Variants in LAP3 observed in about 807,000 individuals in gnomAD.
The protein encoded by LAP3 is leucine aminopeptidase 3, also known as cytosol aminopeptidase.
A neutral mutation model predicts 58.8 loss-of-function variants in LAP3; 46 were observed. That is an observed-to-expected ratio of 0.78 (90% CI 0.62 to 1.00). The LOEUF (loss-of-function observed/expected upper bound fraction) is 1.00, where lower values mean the gene tolerates loss of function less well. Among genes scored for constraint, LAP3 ranks in the 50% least tolerant of loss-of-function variants. The pLI, the probability that LAP3 is intolerant of heterozygous loss-of-function variation, is 0.00. For synonymous variants in LAP3, 257 were observed against 237.7 expected (o/e 1.08, Z -0.75); for missense variants, 615 against 659.1 (o/e 0.93, Z 0.73).
At chr4:17,583,784 A>G in intron 5 of LAP3, 142 bp downstream of exon 5, 1 of 845,674 alleles carries the variant, frequency 1.2e-6, no homozygotes, top group Non-Finnish European at 1.9e-6. Context: ...AGCCATTTTA[A>G]TAATGTGGTC....
At position 17,593,568 on chromosome 4, in the gene LAP3, A is replaced by ACATCCTTT. The variant is rs1348326703; in HGVS notation, c.864-1841_864-1834dup. 2.8e-5 allele frequency among the ~76,000 whole-genome samples: 4 copies of ACATCCTTT among 143,724 alleles called. No homozygotes were observed. The East Asian group carries it at 8.5e-4, about 31-fold the overall frequency. The allele number at this position is 143,724 out of a possible 152,430, so 94.3% of individuals were successfully genotyped here. On this transcript the variant is annotated intron_variant, in intron 7 of 12. Coordinates refer to ENST00000226299, the MANE Select transcript of LAP3 (RefSeq NM_015907.3). ...CTTCTTTTTCAGAATGACTTTGGCT[A>ACATCCTTT]CATCCTTTGCATCTTCATATACATT...
At chr4:17,577,806 T>C (rs767556653) in intron 1 of LAP3, among the ~76,000 whole-genome samples, 5 of 152,216 alleles carry the variant, frequency 3.3e-5, no homozygotes, top group Non-Finnish European at 5.9e-5. Flanking sequence ...AGCCGCCCTT[T>C]ACCCGGCTCC....
At position 17,607,736 on chromosome 4, in the gene LAP3, T is replaced by A. The variant is rs551274332; in HGVS notation, c.*147T>A. ...CACAATGAAATTTGTATGCCTTGAT[T>A]TTTTTTTCATTTCACACAAAGATTT... On this transcript the variant is annotated 3_prime_UTR_variant, in exon 13 of 13. Coordinates refer to ENST00000226299, the MANE Select transcript of LAP3 (RefSeq NM_015907.3). The A allele has an allele frequency of 2.3e-5, 13 of 566,450 alleles. No individual in the cohort carries two copies. Among genetic ancestry groups the A allele is most frequent in the Non-Finnish European group, 3.6e-5 (12 of 337,598 alleles). The allele number at this position is 566,450 out of a possible 1,614,324, so 35.1% of individuals were successfully genotyped here. A position where few individuals can be genotyped will look rare whatever the true frequency, so the allele number is the denominator to read the frequency against.
Position 17,577,249 on chromosome 4 carries a change from C to CACGAATGCGGT in LAP3, c.-217_-216insACGAATGCGGT, listed in dbSNP as rs1553880637. 1 of 391,158 alleles carries CACGAATGCGGT rather than the reference C, an allele frequency of 2.6e-6. No homozygotes were observed. The allele number at this position is 391,158 out of a possible 1,614,324, so 24.2% of individuals were successfully genotyped here. A position where few individuals can be genotyped will look rare whatever the true frequency, so the allele number is the denominator to read the frequency against. On this transcript the variant is annotated 5_prime_UTR_variant, in exon 1 of 13. In the 5' UTR this introduces an upstream ATG that the reference lacks. Coordinates refer to ENST00000226299, the MANE Select transcript of LAP3 (RefSeq NM_015907.3). ...GCGGGCGCACACGAATGCGGGCGCA[C>CACGAATGCGGT]CCTTGAGTCCCCTCCACAACCGCGG...
chr4:17,603,533 T>C (rs1714031440), intron 10 of LAP3, among the ~76,000 whole-genome samples: 1 of 150,504 alleles, frequency 6.6e-6, no homozygotes, highest in Non-Finnish European at 1.5e-5. Flanking sequence ...AGACAGAGTT[T>C]CGCTCTTGTT....
Position 17,595,472 on chromosome 4 carries a change from C to T in LAP3, c.926C>T (p.Ala309Val). The change falls in exon 8 of 13, where the codon GCT (alanine) becomes GTT (valine). Residue 309 changes from alanine (A) to valine (V), a missense_variant. By Grantham distance (64) the Ala-to-Val change is moderately conservative. Transcript: ENST00000226299. ...MDLMRADMGG[A>V]ATICSAIVSA... ...CTCATGAGGGCTGACATGGGAGGAG[C>T]TGCAACTATATGCTCAGCCATCGTG... 2 of 1,613,932 alleles carry T rather than the reference C, an allele frequency of 1.2e-6. No individual in the cohort carries two copies. Among genetic ancestry groups the T allele is most frequent in the East Asian group, 4.5e-5 (2 of 44,826 alleles).
In LAP3 at chr4:17,583,728, C is replaced by T. The variant is rs993488359; in HGVS notation, c.539+86C>T. ...GGGATATGAGCTGCCTGCTTTTCAG[C>T]GCCACCCACAGCTGCGTGGCTTGGC... is the stretch of plus-strand genomic sequence containing the variant. On this transcript the variant is annotated intron_variant, in intron 5 of 12. Transcript: ENST00000226299. The T allele has an allele frequency of 1.2e-5, 17 of 1,467,230 alleles. No individual in the cohort carries two copies. In the Admixed American group the frequency reaches 1.6e-4, roughly 14 times the overall value. The allele number at this position is 1,467,230 out of a possible 1,614,324, so 90.9% of individuals were successfully genotyped here.
intron 8 of LAP3, 108 bp from the exon 9 acceptor site, chr4:17,596,938 G>A (rs1713844876): frequency 9.3e-6 from 8 of 859,658 alleles, no homozygotes; most frequent in Non-Finnish European, 1.5e-5. Context: ...GTTCGTTAAG[G>A]TGGCCTTTGT....
chr4:17,606,394 C>T (rs114391940), intron 11 of LAP3, among the ~76,000 whole-genome samples: 3,163 of 152,160 alleles, frequency 0.021, 117 homozygotes, highest in African/African-American at 0.073. Context: ...GCTGGAGTGC[C>T]GTGGCACTCC....
chr4:17,604,433 GT>G (rs1387309592), intron 10 of LAP3, among the ~76,000 whole-genome samples, 154 bp from the exon 11 acceptor site: 2 of 152,068 alleles, frequency 1.3e-5, no homozygotes, highest in East Asian at 3.9e-4. Context: ...ATAAAAATAT[GT>G]TAAGTATGTA....
intron 1 of LAP3, among the ~76,000 whole-genome samples, chr4:17,579,577 C>T (rs1713296047): frequency 6.6e-6 from 1 of 152,190 alleles, no homozygotes; most frequent in Admixed American, 6.5e-5. Context: ...TAGGAGTGAG[C>T]ACAGAAACCC....
Position 17,583,567 on chromosome 4 carries a change from C to T in LAP3, c.464C>T (p.Ala155Val), listed in dbSNP as rs1042134142. 2.1e-5 allele frequency: 34 copies of T among 1,613,936 alleles called. No homozygotes were observed. The highest frequency in any genetic ancestry group is 2.7e-5 in the African/African-American group (2 of 74,878). The change falls in exon 5 of 13, where the codon GCG becomes GTG. Residue 155 changes from alanine (A) to valine (V), a missense_variant. Physicochemically the swap from Ala to Val is moderately conservative, Grantham distance 64 (BLOSUM62 0). Transcript: ENST00000226299. ...GACGCTCAGGCTGCTGCGGAGGGAGCGGTGCTTGGTCTCTATGAATACGAT... is the reference window on the plus strand; with the variant it reads ...GACGCTCAGGCTGCTGCGGAGGGAGTGGTGCTTGGTCTCTATGAATACGAT... ...CGDAQAAAEG[A>V]VLGLYEYDDL...
chr4:17,591,202 G>A (rs1037842262), intron 7 of LAP3, among the ~76,000 whole-genome samples: 21 of 151,950 alleles, frequency 1.4e-4, no homozygotes, highest in African/African-American at 4.6e-4. Context: ...TGAGCCTCCC[G>A]AGTAGCTGGG....
At chr4:17,586,913 C>T (rs1713529803) in intron 6 of LAP3, among the ~76,000 whole-genome samples, 1 of 152,180 alleles carries the variant, frequency 6.6e-6, no homozygotes, top group African/African-American at 2.4e-5. Context: ...CAAGACCAGC[C>T]TGGCCAACAT....
chr4:17,604,587 G>GGT lies in LAP3; in HGVS notation c.1182_1183dup (p.Ala395ValfsTer5), dbSNP rs774236607. On this transcript the variant is annotated frameshift_variant and splice_region_variant. Coordinates refer to ENST00000226299, the MANE Select transcript of LAP3 (RefSeq NM_015907.3). LOFTEE classifies it high-confidence loss of function. ...GTGACCTGAGGGCTTGTGTCTTACAGGTGCCATGGATGTAGCTTTGGGATC... is the reference window on the plus strand; with the variant it reads ...GTGACCTGAGGGCTTGTGTCTTACAGGTGTGCCATGGATGTAGCTTTGGGATC... 1 of 1,613,810 alleles carries GGT rather than the reference G, an allele frequency of 6.2e-7. No individual in the cohort carries two copies. The highest frequency in any genetic ancestry group is 8.5e-7 in the Non-Finnish European group (1 of 1,179,740).
At chr4:17,582,137 G>A (rs987001527) in intron 3 of LAP3, 151 bp from the exon 4 acceptor site, 12 of 674,546 alleles carry the variant, frequency 1.8e-5, no homozygotes, top group Non-Finnish European at 2.8e-5. Flanking sequence ...AGAAAAAAAA[G>A]CCACAACCAA....
intron 7 of LAP3, among the ~76,000 whole-genome samples, chr4:17,592,499 G>C (rs1713711903): frequency 6.6e-6 from 1 of 152,120 alleles, no homozygotes. Flanking sequence ...CCAGTTTTAG[G>C]CTATTAGGAA....
Position 17,577,465 on chromosome 4 carries a change from G to A in LAP3, c.-1G>A, listed in dbSNP as rs1276675317. 1 of 1,571,840 alleles carries A rather than the reference G, an allele frequency of 6.4e-7. No homozygotes were observed. The highest frequency in any genetic ancestry group is 1.8e-5 in the Admixed American group (1 of 54,544). ...GCGGTGCGAGGGGCCGAGCCGACAA[G>A]ATGTTCTTGCTGCCTCTTCCGGCTG... On this transcript the variant is annotated 5_prime_UTR_variant, in exon 1 of 13. Transcript: ENST00000226299.
In LAP3 at chr4:17,577,523, A is replaced by G. The variant is rs537752125; in HGVS notation, c.58A>G (p.Arg20Gly). Residue 20 changes from arginine (R) to glycine (G), a missense_variant, in exon 1 of 13, where the codon AGA becomes GGA. Physicochemically the swap from Arg to Gly is moderately radical, Grantham distance 125. Transcript: ENST00000226299. Reference sequence around the variant, plus strand: ...AGTAGTCGTCCGACGTCTGGCCGTGAGACGTTTCGGGAGCCGGAGTCTCTC... The same window carrying G: ...AGTAGTCGTCCGACGTCTGGCCGTGGGACGTTTCGGGAGCCGGAGTCTCTC... ...GRVVVRRLAV[R>G]RFGSRSLSTA... 25 of 1,584,584 alleles carry G rather than the reference A, an allele frequency of 1.6e-5. No homozygotes were observed. Among genetic ancestry groups the G allele is most frequent in the Non-Finnish European group, 2.1e-5 (25 of 1,167,084 alleles).
Sources: gnomAD v4.1 joint callset for allele counts (sites outside exome capture counted in the v4.1 genomes callset) on GRCh38, gnomAD v4.1.1 for gene constraint, MANE v1.5 for transcripts, NCBI Gene and HGNC (gene_info 2026-07-23, HGNC 2026-07-21) for gene names.